SMC5: variants seen among roughly 807,000 people sequenced by gnomAD.
The protein encoded by SMC5 is structural maintenance of chromosomes 5, also known as structural maintenance of chromosomes protein 5.
Under a neutral mutation model 148.3 loss-of-function variants are expected in SMC5, and 88 were observed. The ratio of observed to expected loss-of-function variants is 0.59; its 90% CI spans 0.50 to 0.71. The LOEUF (loss-of-function observed/expected upper bound fraction) is 0.71, where lower values mean the gene tolerates loss of function less well. Among genes scored for constraint, SMC5 ranks in the 30% least tolerant of loss-of-function variants. The pLI is 0.00. For synonymous variants in SMC5, 421 were observed against 432.8 expected, an observed-to-expected ratio of 0.97 and a Z score of 0.34; for missense variants, 1,142 against 1,298.9, an observed-to-expected ratio of 0.88 and a Z score of 1.86.
intron 11 of SMC5, among the ~76,000 whole-genome samples, chr9:70,306,621 A>G (rs911491270): frequency 1.3e-5 from 2 of 152,166 alleles, no homozygotes; most frequent in African/African-American, 4.8e-5. Context: ...GATGTAATTA[A>G]ATGATTTCTA....
intron 17 of SMC5, among the ~76,000 whole-genome samples, chr9:70,336,400 G>A (rs1156303211): frequency 6.6e-6 from 1 of 152,168 alleles, no homozygotes; most frequent in East Asian, 1.9e-4. Context: ...ATATGCTAGG[G>A]CTGGGCAAAA....
intron 11 of SMC5, among the ~76,000 whole-genome samples, chr9:70,313,987 A>G (rs1230503901): frequency 6.6e-6 from 1 of 152,128 alleles, no homozygotes; most frequent in African/African-American, 2.4e-5. Flanking sequence ...TTGTTGTTTT[A>G]GTTTTAGCCT....
chr9:70,259,223 G>C lies in SMC5; in HGVS notation c.145G>C (p.Val49Leu), dbSNP rs1156288563. The change falls in exon 1 of 25, where the codon GTG (valine) becomes CTG (leucine). Residue 49 changes from valine to leucine, a missense_variant. Around this residue, in one of 5 missense-constraint regions of SMC5, gnomAD observed 297 missense variants for 302.6 expected, o/e 0.98. Transcript: ENST00000361138. ...GCTGTTGCAGTCGTCCGGGCCTTTC[G>C]TGGAAGGCTCTATCGTCCGCATCTC... ...LPLLQSSGPFVEGSIVRISME... is the reference protein window; with the variant it reads ...LPLLQSSGPFLEGSIVRISME... 5.6e-6 allele frequency: 9 copies of C among 1,603,966 alleles called. No individual in the cohort carries two copies. In the Middle Eastern group the frequency reaches 8.3e-4, roughly 148 times the overall value.
At chr9:70,341,671 C>T (rs901388426) in intron 17 of SMC5, among the ~76,000 whole-genome samples, 4 of 152,196 alleles carry the variant, frequency 2.6e-5, no homozygotes, top group Non-Finnish European at 4.4e-5. Flanking sequence ...ATAAAAGTCA[C>T]CTGAGGGCCC....
At chr9:70,302,626 C>T (rs888789622) in intron 10 of SMC5, among the ~76,000 whole-genome samples, 9 of 152,060 alleles carry the variant, frequency 5.9e-5, no homozygotes, top group East Asian at 3.9e-4. Flanking sequence ...CCCAAGATCA[C>T]GCCACTGCAC....
chr9:70,313,527 C>T (rs1009991128), intron 11 of SMC5, among the ~76,000 whole-genome samples: 7 of 151,672 alleles, frequency 4.6e-5, no homozygotes, highest in Non-Finnish European at 8.8e-5. Context: ...GAGACAGTTT[C>T]GCTCTTGTCA....
intron 8 of SMC5, among the ~76,000 whole-genome samples, chr9:70,291,365 A>G (rs1432499718): frequency 6.6e-6 from 1 of 152,130 alleles, no homozygotes; most frequent in African/African-American, 2.4e-5. Flanking sequence ...TGCTCCTAAG[A>G]TTGTTGAAAA....
chr9:70,320,022 C>G (rs923556091), intron 15 of SMC5, among the ~76,000 whole-genome samples: 1 of 152,034 alleles, frequency 6.6e-6, no homozygotes. Context: ...TCACTTTATT[C>G]CTGTTTGGAA....
intron 8 of SMC5, among the ~76,000 whole-genome samples, chr9:70,287,401 C>T (rs371789376): frequency 7.4e-4 from 112 of 152,070 alleles, no homozygotes; most frequent in Middle Eastern, 3.4e-3. Context: ...ATTTTTCGTG[C>T]GTGGGTGGGC....
chr9:70,293,339 AC>A (rs1315039747), intron 8 of SMC5, among the ~76,000 whole-genome samples: 1 of 106,466 alleles, frequency 9.4e-6, no homozygotes, highest in African/African-American at 3.6e-5. Flanking sequence ...CCTCTCCCCC[AC>A]CCCCCTACTC....
intron 15 of SMC5, 124 bp downstream of exon 15, chr9:70,319,087 A>G: frequency 1.1e-6 from 1 of 883,648 alleles, no homozygotes; most frequent in Non-Finnish European, 1.6e-6. Flanking sequence ...TTAATCTTTA[A>G]TCTTACTGCA....
chr9:70,349,778 G>C (rs905896044), intron 22 of SMC5, among the ~76,000 whole-genome samples: 1 of 152,228 alleles, frequency 6.6e-6, no homozygotes, highest in South Asian at 2.1e-4. Context: ...AGTGCTTTTT[G>C]AGGACAGAGT....
intron 18 of SMC5, among the ~76,000 whole-genome samples, chr9:70,345,809 G>A (rs1054880975): frequency 6.6e-6 from 1 of 152,080 alleles, no homozygotes; most frequent in Non-Finnish European, 1.5e-5. Flanking sequence ...TCTAGATGGA[G>A]GATAAAGTAG....
chr9:70,262,203 T>C (rs2034157282), intron 1 of SMC5, among the ~76,000 whole-genome samples: 1 of 152,092 alleles, frequency 6.6e-6, no homozygotes, highest in Non-Finnish European at 1.5e-5. Context: ...GGAAGACACT[T>C]GGAGGCTGAA....
chr9:70,343,089 A>G (rs376138203), intron 17 of SMC5, among the ~76,000 whole-genome samples: 34 of 151,704 alleles, frequency 2.2e-4, no homozygotes, highest in African/African-American at 8.0e-4. Flanking sequence ...GATCTGAATC[A>G]TGACAGTCTC....
chr9:70,259,372 G>A, intron 1 of SMC5, 109 bp downstream of exon 1: 2 of 1,198,718 alleles, frequency 1.7e-6, no homozygotes, highest in Non-Finnish European at 1.1e-6. Flanking sequence ...CTGGCTTGTG[G>A]GTCTGGCCTT....
chr9:70,315,647 A>G lies in SMC5; in HGVS notation c.1806+69A>G, dbSNP rs559241284. On this transcript the variant is annotated intron_variant, in intron 13 of 24. Transcript: ENST00000361138. ...GTAGTTTTGTTAAAACTTCTTAGCT[A>G]AAGGCAAGCAAAACGTGTCAGAATT... 5 of 1,289,540 alleles carry G rather than the reference A, an allele frequency of 3.9e-6. No individual in the cohort carries two copies. The South Asian group carries it at 6.5e-5, about 17-fold the overall frequency. The allele number at this position is 1,289,540 out of a possible 1,614,324, so 79.9% of individuals were successfully genotyped here. A position where few individuals can be genotyped will look rare whatever the true frequency, so the allele number is the denominator to read the frequency against.
At chr9:70,349,828 A>G (rs1417074318) in intron 22 of SMC5, among the ~76,000 whole-genome samples, 2 of 152,202 alleles carry the variant, frequency 1.3e-5, no homozygotes, top group East Asian at 3.8e-4. Context: ...GGGGAAGCCT[A>G]CTAAACTTGA....
At chr9:70,320,953 C>T (rs531761582) in intron 15 of SMC5, among the ~76,000 whole-genome samples, 1 of 152,234 alleles carries the variant, frequency 6.6e-6, no homozygotes, top group South Asian at 2.1e-4. Flanking sequence ...CTTTCCATTG[C>T]TTTTACACCG....
Sources: allele counts gnomAD v4.1 joint callset (sites outside exome capture counted in the v4.1 genomes callset), GRCh38; gene constraint gnomAD v4.1.1; regional missense constraint gnomAD v4.1.1; transcripts MANE v1.5; gene names NCBI Gene and HGNC (gene_info 2026-07-23, HGNC 2026-07-21).